The following NDUFA7 variants were observed in gnomAD, a reference collection of about 807,000 sequenced individuals.
The protein encoded by NDUFA7 is NADH dehydrogenase [ubiquinone] 1 alpha subcomplex subunit 7.
In NDUFA7, 18 loss-of-function variants were observed where a neutral mutation model predicts 14.2. The ratio of observed to expected loss-of-function variants is 1.27; its 90% CI spans 0.88 to 1.88. The LOEUF is 1.88. Among genes scored for constraint, NDUFA7 ranks in the 40% most tolerant of loss-of-function variants. NDUFA7 has a pLI of 0.00. For synonymous variants in NDUFA7, 75 were observed against 62.1 expected (o/e 1.21, Z -0.98); for missense variants, 172 against 147.3 (o/e 1.17, Z -0.87).
At chr19:8,314,785 C>T (rs1970214670) in intron 3 of NDUFA7, among the ~76,000 whole-genome samples, 1 of 151,998 alleles carries the variant, frequency 6.6e-6, no homozygotes, top group South Asian at 2.1e-4. Flanking sequence ...TAGTGGTGGG[C>T]ACTTGTAGTC....
downstream of NDUFA7, chr19:8,310,472 G>C (rs1379458962): frequency 1.3e-5 from 2 of 151,756 alleles, no homozygotes; most frequent in Admixed American, 1.3e-4. Context: ...GGCCTACTGA[G>C]TGTCCGCACA....
chr19:8,317,874 T>C (rs1014528161), intron 2 of NDUFA7, among the ~76,000 whole-genome samples: 10 of 152,178 alleles, frequency 6.6e-5, no homozygotes, highest in Non-Finnish European at 1.3e-4. Context: ...GGTCTTGCTA[T>C]GTTGCCCAGG....
chr19:8,319,121 G>T (rs138885471), intron 2 of NDUFA7, among the ~76,000 whole-genome samples: 8 of 151,716 alleles, frequency 5.3e-5, no homozygotes, highest in Non-Finnish European at 1.0e-4. Flanking sequence ...TCGGGGGTTG[G>T]GGGGGAGAGA....
At chr19:8,309,038 C>T (rs1599626943), downstream of NDUFA7, among the ~76,000 whole-genome samples, 2 of 120,856 alleles carry the variant, frequency 1.7e-5, no homozygotes, top group South Asian at 4.5e-4. Context: ...CTGGGCAACA[C>T]AGCAAGTCCC....
In NDUFA7 at chr19:8,311,672, G is replaced by A. The variant is rs573830941; in HGVS notation, c.252-77C>T. 131 of 1,245,276 alleles carry A rather than the reference G, an allele frequency of 1.1e-4. No individual in the cohort carries two copies. In the African/African-American group the frequency reaches 1.8e-3, roughly 17 times the overall value. The allele number at this position is 1,245,276 out of a possible 1,614,324, so 77.1% of individuals were successfully genotyped here. A position where few individuals can be genotyped will look rare whatever the true frequency, so the allele number is the denominator to read the frequency against. On this transcript the variant is annotated intron_variant, in intron 3 of 3. Transcript: ENST00000301457. The stretch of plus-strand genomic sequence containing the variant: ...ATCTGAGGGAGCCCACACCTGCCCC[G>A]GGACAAACACACCCACAGGGACTTT...
intron 2 of NDUFA7, among the ~76,000 whole-genome samples, chr19:8,318,861 C>T (rs1970266734): frequency 6.6e-6 from 1 of 151,122 alleles, no homozygotes; most frequent in Non-Finnish European, 1.5e-5. Flanking sequence ...GCCCCAGCTA[C>T]TCGGGAGGCT....
chr19:8,315,641 G>C (rs1970224003), intron 3 of NDUFA7, among the ~76,000 whole-genome samples: 1 of 152,088 alleles, frequency 6.6e-6, no homozygotes, highest in South Asian at 2.1e-4. Context: ...CAATAATGAT[G>C]AATAAATACT....
At chr19:8,319,824 GT>G (rs1970279662) in intron 2 of NDUFA7, among the ~76,000 whole-genome samples, 1 of 151,862 alleles carries the variant, frequency 6.6e-6, no homozygotes, top group African/African-American at 2.4e-5. Flanking sequence ...AGCCCTTCCT[GT>G]TCCCTCTGCT....
chr19:8,311,443 C>A lies in NDUFA7; in HGVS notation c.*62G>T. 3 of 1,324,472 alleles carry A rather than the reference C, an allele frequency of 2.3e-6. No individual in the cohort carries two copies. The South Asian group carries it at 3.9e-5, about 17-fold the overall frequency. The allele number at this position is 1,324,472 out of a possible 1,614,324, so 82.0% of individuals were successfully genotyped here. ...TCTACGTATTTGTCATAAATTAGGT[C>A]ACATTCTCCCTGGAGGAAATCCAAG... On this transcript the variant is annotated 3_prime_UTR_variant, in exon 4 of 4. Transcript: ENST00000301457.
chr19:8,320,899 A>C lies in NDUFA7; in HGVS notation c.59T>G (p.Leu20Arg), dbSNP rs1970296848. Residue 20 changes from leucine to arginine, a missense_variant, in exon 2 of 4, where the codon CTG (leucine) becomes CGG (arginine). Coordinates refer to ENST00000301457, the MANE Select transcript of NDUFA7 (RefSeq NM_005001.5). ...GTAGCGTAGCTGCAGCTTCCCCTGC[A>C]GGTCATGCTGTGGGAAGAGGAGAGG... ...RLRNWASGHD[L>R]QGKLQLRYQE... 6.2e-7 allele frequency: 1 copy of C among 1,613,812 alleles called. No individual in the cohort carries two copies. The highest frequency in any genetic ancestry group is 8.5e-7 in the Non-Finnish European group (1 of 1,180,012).
intron 3 of NDUFA7, among the ~76,000 whole-genome samples, chr19:8,313,600 G>A (rs1347206648): frequency 1.3e-5 from 2 of 152,218 alleles, no homozygotes; most frequent in Non-Finnish European, 2.9e-5. Context: ...CACACTGCAA[G>A]TCTAGCATCC....
At chr19:8,308,760 G>A (rs774617833), downstream of NDUFA7, 1 of 196,604 alleles carries the variant, frequency 5.1e-6, no homozygotes, top group Non-Finnish European at 1.0e-5. Flanking sequence ...GGAGGGCAGG[G>A]ATCTTCTGTT....
downstream of NDUFA7, chr19:8,310,912 G>A (rs943096519): frequency 2.6e-5 from 4 of 152,196 alleles, no homozygotes; most frequent in African/African-American, 9.7e-5. Flanking sequence ...AGCTACTCGG[G>A]AGGCTGAGGC....
chr19:8,315,552 T>G (rs2145394235), intron 3 of NDUFA7, among the ~76,000 whole-genome samples: 1 of 152,324 alleles, frequency 6.6e-6, no homozygotes, highest in Admixed American at 6.5e-5. Context: ...CAGAGACTTT[T>G]GTTCACGTGT....
intron 2 of NDUFA7, among the ~76,000 whole-genome samples, chr19:8,317,364 C>G (rs942607884): frequency 7.2e-5 from 11 of 152,068 alleles, no homozygotes; most frequent in Admixed American, 6.6e-4. Context: ...GTCAGGTGTT[C>G]GAAACCAGCC....
intron 2 of NDUFA7, chr19:8,319,479 G>C (rs113115704): frequency 6.7e-6 from 1 of 149,494 alleles, no homozygotes; most frequent in African/African-American, 2.5e-5. Flanking sequence ...AGAATCGCTT[G>C]AACCCGGGAG....
intron 3 of NDUFA7, among the ~76,000 whole-genome samples, chr19:8,314,955 C>T (rs1156312443): frequency 1.3e-5 from 2 of 152,158 alleles, no homozygotes; most frequent in South Asian, 2.1e-4. Context: ...ACATAAGAGA[C>T]TCCATTTTAA....
chr19:8,318,663 CAAAAAAAAAAA>C lies in NDUFA7; in HGVS notation c.102-2029_102-2019del, dbSNP rs35904087. 2.7e-4 allele frequency among the ~76,000 whole-genome samples: 11 copies of C among 41,068 alleles called. 1 individual carries two copies. The highest frequency in any genetic ancestry group is 2.8e-4 in the Non-Finnish European group (6 of 21,372). The allele number at this position is 41,068 out of a possible 152,430, so 26.9% of individuals were successfully genotyped here. On this transcript the variant is annotated intron_variant, in intron 2 of 3. Transcript: ENST00000301457. ...CCTGGGTCACAGAAACCCAGTCTTA[CAAAAAAAAAAA>C]AAAAAAAAAAAAAAAAAGGCCAGGC...
At position 8,316,632 on chromosome 19, in the gene NDUFA7, G is replaced by C; in HGVS notation, c.115C>G (p.Pro39Ala). The change falls in exon 3 of 4, where the codon CCC becomes GCC. Residue 39 changes from proline to alanine, a missense_variant. Coordinates refer to ENST00000301457, the MANE Select transcript of NDUFA7 (RefSeq NM_005001.5). ...TGGCTAGGACCCACAGGGAGCTTGG[G>C]AGGAGGCTGAGTTCTGAGGGGAAAA... ...QEISKRTQPP[P>A]KLPVGPSHKL... The C allele has an allele frequency of 6.2e-7, 1 of 1,614,136 alleles. No homozygotes were observed.
Sources: allele counts gnomAD v4.1 joint callset (sites outside exome capture counted in the v4.1 genomes callset), GRCh38; gene constraint gnomAD v4.1.1; transcripts MANE v1.5; gene names NCBI Gene and HGNC (gene_info 2026-07-23, HGNC 2026-07-21).